Variants in SCHIP1 observed in about 807,000 individuals in gnomAD.
SCHIP1 encodes the protein schwannomin interacting protein 1, also known as schwannomin-interacting protein 1.
SCHIP1 carries 8 observed loss-of-function variants against 29.7 expected under a neutral mutation model. The ratio of observed to expected loss-of-function variants is 0.27; its 90% confidence interval spans 0.16 to 0.49. SCHIP1 has a LOEUF of 0.49. SCHIP1 is among the 20% of genes least tolerant of loss of function. SCHIP1 has a pLI of 0.99. For synonymous variants in SCHIP1, 76 were observed against 94.9 expected (o/e 0.80, Z 1.16); for missense variants, 193 against 294.6 (o/e 0.66, Z 2.52).
At chr3:159,322,206 G>T in the SCHIP1 span, among the ~76,000 whole-genome samples, 4 of 152,078 alleles carry the variant, frequency 2.6e-5, no homozygotes, top group Non-Finnish European at 5.9e-5. Flanking sequence ...GTCTAACTGA[G>T]CATCCACCGT....
chr3:159,514,665 A>G, the SCHIP1 span, among the ~76,000 whole-genome samples: 1 of 152,188 alleles, frequency 6.6e-6, no homozygotes, highest in Non-Finnish European at 1.5e-5. Context: ...ATTAAACACT[A>G]TTTTTATTGA....
chr3:159,808,158 G>C, the SCHIP1 span, among the ~76,000 whole-genome samples: 1 of 152,096 alleles, frequency 6.6e-6, no homozygotes, highest in South Asian at 2.1e-4. Flanking sequence ...TTTTTATTTT[G>C]ATAAGAACCC....
At chr3:159,717,270 G>C in the SCHIP1 span, among the ~76,000 whole-genome samples, 1 of 152,138 alleles carries the variant, frequency 6.6e-6, no homozygotes, top group African/African-American at 2.4e-5. Flanking sequence ...ATGCCCACAA[G>C]AGAAAGCAGG....
the SCHIP1 span, among the ~76,000 whole-genome samples, chr3:159,320,617 T>A: frequency 1.4e-5 from 2 of 144,948 alleles, no homozygotes; most frequent in East Asian, 2.0e-4. Context: ...CTTTTTTTTT[T>A]CCCCCTGTTA....
At chr3:159,616,814 G>A in the SCHIP1 span, among the ~76,000 whole-genome samples, 3 of 152,082 alleles carry the variant, frequency 2.0e-5, no homozygotes, top group African/African-American at 7.2e-5. Flanking sequence ...TCAGGCTAAT[G>A]GAACAGCCAC....
chr3:159,375,143 T>C, the SCHIP1 span, among the ~76,000 whole-genome samples: 1 of 152,204 alleles, frequency 6.6e-6, no homozygotes, highest in Non-Finnish European at 1.5e-5. Context: ...CTGGACAATG[T>C]TGGAATAAAA....
chr3:159,613,040 G>A, the SCHIP1 span, among the ~76,000 whole-genome samples: 3 of 152,104 alleles, frequency 2.0e-5, no homozygotes, highest in African/African-American at 2.4e-5. Context: ...AATAAACACA[G>A]GCAACATGTC....
At chr3:159,538,639 T>G in the SCHIP1 span, among the ~76,000 whole-genome samples, 14 of 152,226 alleles carry the variant, frequency 9.2e-5, no homozygotes, top group African/African-American at 3.4e-4. Flanking sequence ...AGCATGACAG[T>G]AGCCTGAGGT....
chr3:159,281,365 C>T, the SCHIP1 span, among the ~76,000 whole-genome samples: 4 of 152,094 alleles, frequency 2.6e-5, no homozygotes, highest in Non-Finnish European at 2.9e-5. Context: ...TTTATTTGGA[C>T]AAGAATTATT....
At chr3:159,528,344 C>T in the SCHIP1 span, among the ~76,000 whole-genome samples, 1 of 152,162 alleles carries the variant, frequency 6.6e-6, no homozygotes, top group African/African-American at 2.4e-5. Context: ...GCTGTAACAG[C>T]CAGTAGCCTT....
At chr3:159,691,874 G>A in the SCHIP1 span, among the ~76,000 whole-genome samples, 1 of 152,080 alleles carries the variant, frequency 6.6e-6, no homozygotes, top group Non-Finnish European at 1.5e-5. Flanking sequence ...AGTTTAGCAG[G>A]ATATGAAATT....
the SCHIP1 span, among the ~76,000 whole-genome samples, chr3:159,602,358 G>A: frequency 9.9e-5 from 15 of 152,224 alleles, no homozygotes; most frequent in East Asian, 2.3e-3. Context: ...GCAGGTGCCT[G>A]ATGTCTCTAG....
chr3:159,706,609 A>G, the SCHIP1 span, among the ~76,000 whole-genome samples: 1 of 152,240 alleles, frequency 6.6e-6, no homozygotes, highest in Non-Finnish European at 1.5e-5. Context: ...CAGGATGATC[A>G]CAGGAGAGTA....
At chr3:159,500,479 CGACACGGGCA>C in the SCHIP1 span, among the ~76,000 whole-genome samples, 1 of 151,968 alleles carries the variant, frequency 6.6e-6, no homozygotes, top group Non-Finnish European at 1.5e-5. Context: ...TTTGGGAGGC[CGACACGGGCA>C]GATCACGAGG....
the SCHIP1 span, among the ~76,000 whole-genome samples, chr3:159,374,233 G>T: frequency 6.6e-6 from 1 of 152,118 alleles, no homozygotes; most frequent in African/African-American, 2.4e-5. Flanking sequence ...TAGACATAGG[G>T]TAGATGGGGC....
exon 1 of SCHIP1, chr3:159,839,938 A>T (rs1440960983): frequency 3.6e-6 from 5 of 1,407,912 alleles, no homozygotes; most frequent in Non-Finnish European, 2.8e-6. Context: ...TCCCAGCTCC[A>T]TGTTCCTAAG....
At chr3:159,778,181 G>C in the SCHIP1 span, among the ~76,000 whole-genome samples, 155 of 151,186 alleles carry the variant, frequency 1.0e-3, no homozygotes, top group African/African-American at 3.7e-3. Flanking sequence ...TTTTAGTAGA[G>C]ACGGGGTTTC....
chr3:159,746,038 C>G, the SCHIP1 span, among the ~76,000 whole-genome samples: 1 of 152,086 alleles, frequency 6.6e-6, no homozygotes, highest in Non-Finnish European at 1.5e-5. Context: ...ATAAGATTGC[C>G]ATGGGGTGAT....
chr3:159,400,927 A>G, the SCHIP1 span, among the ~76,000 whole-genome samples: 4 of 152,174 alleles, frequency 2.6e-5, no homozygotes, highest in African/African-American at 9.7e-5. Flanking sequence ...CCAGTTATTT[A>G]ATCTCTGTAA....
Sources: allele counts gnomAD v4.1 joint callset (sites outside exome capture counted in the v4.1 genomes callset), GRCh38; gene constraint gnomAD v4.1.1; transcripts MANE v1.5; gene names NCBI Gene and HGNC (gene_info 2026-07-23, HGNC 2026-07-21).